KIAA0825: variants seen among roughly 807,000 people sequenced by gnomAD.
KIAA0825 encodes KIAA0825.
Under a neutral mutation model 147.6 loss-of-function variants are expected in KIAA0825, and 119 were observed. The ratio of observed to expected loss-of-function variants is 0.81; its 90% confidence interval spans 0.69 to 0.94. The LOEUF is 0.94. Among genes scored for constraint, KIAA0825 ranks in the 40% least tolerant of loss-of-function variants. The pLI, the probability that KIAA0825 is intolerant of heterozygous loss-of-function variation, is 0.00. For synonymous variants in KIAA0825, 470 were observed against 518.1 expected, an observed-to-expected ratio of 0.91 and a Z score of 1.26; for missense variants, 1,381 against 1,472.7, an observed-to-expected ratio of 0.94 and a Z score of 1.02.
intron 20 of KIAA0825, among the ~76,000 whole-genome samples, chr5:94,289,933 A>AAAAAATC (rs1347503779): frequency 2.0e-5 from 3 of 152,006 alleles, no homozygotes; most frequent in Non-Finnish European, 4.4e-5. Flanking sequence ...GTAAAAAAAA[A>AAAAAATC]AAAAATCAAA....
At chr5:94,467,513 C>G (rs1760700339) in intron 10 of KIAA0825, among the ~76,000 whole-genome samples, 1 of 152,158 alleles carries the variant, frequency 6.6e-6, no homozygotes, top group Non-Finnish European at 1.5e-5. Flanking sequence ...TGTCAACCAT[C>G]CTAAAAGCTT....
chr5:94,201,499 T>A (rs1005127363), intron 20 of KIAA0825, among the ~76,000 whole-genome samples: 1 of 152,046 alleles, frequency 6.6e-6, no homozygotes, highest in African/African-American at 2.4e-5. Context: ...CCTTGATCCT[T>A]TGTGCTCAAG....
chr5:94,222,190 T>C (rs1239965297), intron 20 of KIAA0825, among the ~76,000 whole-genome samples: 1 of 152,198 alleles, frequency 6.6e-6, no homozygotes, highest in Non-Finnish European at 1.5e-5. Flanking sequence ...CTAACTGTTT[T>C]ATCTAATCAG....
chr5:94,453,742 G>A (rs1217380265), intron 12 of KIAA0825, among the ~76,000 whole-genome samples: 5 of 151,912 alleles, frequency 3.3e-5, no homozygotes, highest in Admixed American at 2.0e-4. Flanking sequence ...ATGACAAAAC[G>A]ATGAAGAATA....
chr5:94,203,353 A>G (rs754696642), intron 20 of KIAA0825, among the ~76,000 whole-genome samples: 7 of 152,192 alleles, frequency 4.6e-5, no homozygotes, highest in African/African-American at 9.7e-5. Flanking sequence ...TTTTTATGCA[A>G]TATGCTCACT....
intron 16 of KIAA0825, 135 bp downstream of exon 16, chr5:94,403,434 G>A (rs1414617166): frequency 1.6e-6 from 1 of 635,352 alleles, no homozygotes; most frequent in Non-Finnish European, 2.7e-6. Context: ...AAAAATAAGG[G>A]TCGCACATCT....
At position 94,165,069 on chromosome 5, in the gene KIAA0825, A is replaced by G. The variant is rs188577445; in HGVS notation, c.3711-10945T>C. On this transcript the variant is annotated intron_variant, in intron 20 of 20. Coordinates refer to ENST00000682413, the MANE Select transcript of KIAA0825 (RefSeq NM_001145678.3). ...AAAGGATACAATCAACAAAGCAAAGAGACAACCCACAGAATGGGAGAAAAT... is the reference window on the plus strand; with the variant it reads ...AAAGGATACAATCAACAAAGCAAAGGGACAACCCACAGAATGGGAGAAAAT... Among the ~76,000 whole-genome samples, 3 of 152,322 alleles carry G rather than the reference A, an allele frequency of 2.0e-5. No individual in the cohort carries two copies. The East Asian group carries it at 5.8e-4, about 29-fold the overall frequency.
intron 1 of KIAA0825, among the ~76,000 whole-genome samples, chr5:94,603,168 G>A (rs749352363): frequency 5.9e-5 from 9 of 152,052 alleles, no homozygotes; most frequent in Non-Finnish European, 7.4e-5. Flanking sequence ...GACTAATATA[G>A]GCAGCATGAG....
intron 3 of KIAA0825, among the ~76,000 whole-genome samples, chr5:94,533,875 C>G (rs1194183043): frequency 1.3e-5 from 2 of 152,142 alleles, no homozygotes; most frequent in African/African-American, 4.8e-5. Context: ...AGAATGACAG[C>G]CTTTCTTGAA....
intron 20 of KIAA0825, among the ~76,000 whole-genome samples, chr5:94,296,926 G>T (rs1378728113): frequency 6.6e-6 from 1 of 151,978 alleles, no homozygotes; most frequent in Non-Finnish European, 1.5e-5. Flanking sequence ...CCATACACTG[G>T]TAATACTAAA....
chr5:94,268,864 G>C (rs962598279), intron 20 of KIAA0825, among the ~76,000 whole-genome samples: 1 of 152,050 alleles, frequency 6.6e-6, no homozygotes, highest in African/African-American at 2.4e-5. Flanking sequence ...GTGCAACCTT[G>C]CTTCTTCCAT....
At chr5:94,475,075 C>T (rs550273004) in intron 7 of KIAA0825, among the ~76,000 whole-genome samples, 12 of 149,040 alleles carry the variant, frequency 8.1e-5, no homozygotes, top group Admixed American at 5.4e-4. Flanking sequence ...GGCAACAGAG[C>T]GAGACTCCAT....
chr5:94,275,793 C>T (rs890676590), intron 20 of KIAA0825, among the ~76,000 whole-genome samples: 15 of 152,086 alleles, frequency 9.9e-5, no homozygotes, highest in African/African-American at 3.4e-4. Context: ...TTACACAGCT[C>T]GCATTGTGTG....
intron 20 of KIAA0825, among the ~76,000 whole-genome samples, chr5:94,285,284 TG>T (rs1160917780): frequency 6.6e-6 from 1 of 152,138 alleles, no homozygotes; most frequent in African/African-American, 2.4e-5. Flanking sequence ...AGGCATGTAA[TG>T]GGCATTTAAT....
At chr5:94,451,991 A>G (rs1020298751) in intron 13 of KIAA0825, among the ~76,000 whole-genome samples, 5 of 152,240 alleles carry the variant, frequency 3.3e-5, no homozygotes, top group Admixed American at 3.3e-4. Flanking sequence ...CAAGATGGCA[A>G]GATATATTTA....
intron 20 of KIAA0825, among the ~76,000 whole-genome samples, chr5:94,165,771 G>A (rs1767975446): frequency 6.6e-6 from 1 of 152,136 alleles, no homozygotes; most frequent in East Asian, 1.9e-4. Context: ...AACATCACAT[G>A]TTCTCACTTA....
intron 20 of KIAA0825, among the ~76,000 whole-genome samples, chr5:94,189,992 G>A (rs994223334): frequency 6.6e-6 from 1 of 151,994 alleles, no homozygotes; most frequent in Non-Finnish European, 1.5e-5. Flanking sequence ...AGACTTAAGT[G>A]TTCGCGTCTT....
chr5:94,411,508 A>C (rs568246386), intron 15 of KIAA0825, among the ~76,000 whole-genome samples: 5 of 152,350 alleles, frequency 3.3e-5, no homozygotes, highest in Admixed American at 3.3e-4. Flanking sequence ...AAGAACCTCA[A>C]CATTTATCTC....
At chr5:94,545,369 C>T (rs866424099) in intron 2 of KIAA0825, among the ~76,000 whole-genome samples, 8 of 152,218 alleles carry the variant, frequency 5.3e-5, no homozygotes, top group Middle Eastern at 3.4e-3. Context: ...TAAGGAGACA[C>T]CAGCTGGGGC....
Sources: gnomAD v4.1 joint callset for allele counts (sites outside exome capture counted in the v4.1 genomes callset) on GRCh38, gnomAD v4.1.1 for gene constraint, MANE v1.5 for transcripts, NCBI Gene and HGNC (gene_info 2026-07-23, HGNC 2026-07-21) for gene names.